The following SLC6A20 variants were observed in gnomAD, a reference collection of about 807,000 sequenced individuals.
SLC6A20 encodes sodium- and chloride-dependent transporter XTRP3.
Under a neutral mutation model 64.3 loss-of-function variants are expected in SLC6A20, and 73 were observed. The ratio of observed to expected loss-of-function variants is 1.14; its 90% CI spans 0.94 to 1.38. SLC6A20 has a LOEUF of 1.38. Ranked by LOEUF, SLC6A20 falls within the 40% of genes most tolerant of loss-of-function variation. The pLI, the probability that SLC6A20 is intolerant of heterozygous loss-of-function variation, is 0.00. For missense variants in SLC6A20, 725 were observed against 772.8 expected (o/e 0.94, Z 0.73); for synonymous variants, 347 against 329.6 (o/e 1.05, Z -0.57).
At chr3:45,792,456 T>A (rs1029085040) in intron 1 of SLC6A20, among the ~76,000 whole-genome samples, 7 of 152,202 alleles carry the variant, frequency 4.6e-5, no homozygotes, top group Non-Finnish European at 8.8e-5. Context: ...ATGCCTCACA[T>A]GATGCCTGGC....
chr3:45,769,710 TAAAAC>T (rs1373246969), intron 7 of SLC6A20, among the ~76,000 whole-genome samples: 3 of 151,390 alleles, frequency 2.0e-5, no homozygotes, highest in South Asian at 2.1e-4. Context: ...AAAGAAAAAA[TAAAAC>T]AAAAACTGCC....
rs895642036 is a variant in SLC6A20, at chr3:45,796,517, G to A, written c.-98C>T. ...GCGCCGTCCCACCCCGGCTCGGCTT[G>A]GGGGTGGCCCCGCGCCTCCGCCGCC... On this transcript the variant is annotated 5_prime_UTR_variant, in exon 1 of 11. Transcript: ENST00000358525. 4.7e-6 allele frequency: 6 copies of A among 1,277,048 alleles called. No individual in the cohort carries two copies. Among genetic ancestry groups the A allele is most frequent in the Non-Finnish European group, 5.1e-6 (5 of 984,910 alleles). 79.1% of individuals were successfully genotyped at this position (1,277,048 alleles called of 1,614,324 possible).
At chr3:45,774,989 A>C (rs1442328628) in intron 4 of SLC6A20, among the ~76,000 whole-genome samples, 1 of 152,176 alleles carries the variant, frequency 6.6e-6, no homozygotes, top group African/African-American at 2.4e-5. Flanking sequence ...TACTGTGAGA[A>C]GTGACAGTGA....
chr3:45,758,996 G>T lies in SLC6A20; in HGVS notation c.1761C>A (p.Asp587Glu). ...TFVQRRLKRG[D>E]ADPVA is the part of the protein sequence containing the mutation. ...CCACATCTCAGGCCACGGGGTCTGC[G>T]TCTCCCCTCTTGAGGCGACGCTGAA... Residue 587 changes from aspartate to glutamate, a missense_variant, in exon 11 of 11, where the codon GAC becomes GAA. By Grantham distance (45) the Asp-to-Glu change is conservative. Transcript: ENST00000358525. The T allele has an allele frequency of 6.2e-7, 1 of 1,607,526 alleles. No individual in the cohort carries two copies. The highest frequency in any genetic ancestry group is 8.5e-7 in the Non-Finnish European group (1 of 1,177,062).
At chr3:45,786,206 G>A (rs1258765033) in intron 1 of SLC6A20, among the ~76,000 whole-genome samples, 1 of 152,156 alleles carries the variant, frequency 6.6e-6, no homozygotes, top group Non-Finnish European at 1.5e-5. Flanking sequence ...CCAGTGCAAT[G>A]AGTAAAATCA....
intron 1 of SLC6A20, 147 bp from the exon 2 acceptor site, chr3:45,782,370 T>C (rs939524218): frequency 6.9e-6 from 8 of 1,159,424 alleles, no homozygotes; most frequent in Middle Eastern, 2.0e-4. Context: ...TCCTCCTCTT[T>C]CTACTCATCC....
At position 45,756,909 on chromosome 3, in the gene SLC6A20, T is replaced by C. The variant is rs537246488; in HGVS notation, c.*2069A>G. 5.3e-5 allele frequency: 8 copies of C among 152,194 alleles called. No homozygotes were observed. The highest frequency in any genetic ancestry group is 7.4e-5 in the Non-Finnish European group (5 of 68,006). The allele number at this position is 152,194 out of a possible 1,614,324, so 9.4% of individuals were successfully genotyped here. The stretch of plus-strand genomic sequence containing the variant: ...GGCCTCTGAGTTCCCTCAGTATTTA[T>C]TGATCATTATTTTTACTGTCTTAGC... On this transcript the variant is annotated 3_prime_UTR_variant, in exon 11 of 11. Transcript: ENST00000358525.
At chr3:45,786,725 C>T (rs532390252) in intron 1 of SLC6A20, among the ~76,000 whole-genome samples, 34 of 152,332 alleles carry the variant, frequency 2.2e-4, no homozygotes, top group African/African-American at 6.5e-4. Flanking sequence ...TTGCCCAAAA[C>T]GATTATTGCC....
chr3:45,765,025 C>T lies in SLC6A20; in HGVS notation c.1303+512G>A, dbSNP rs936166229. 2.6e-5 allele frequency among the ~76,000 whole-genome samples: 4 copies of T among 151,824 alleles called. No individual in the cohort carries two copies. Among genetic ancestry groups the T allele is most frequent in the Admixed American group, 2.6e-4 (4 of 15,250 alleles). ...GTCAGGAGTTCGAGACCAGCCTGGCCAACATGGTGAAACCCCTTCTCTACT... is the reference window on the plus strand; with the variant it reads ...GTCAGGAGTTCGAGACCAGCCTGGCTAACATGGTGAAACCCCTTCTCTACT... On this transcript the variant is annotated intron_variant, in intron 8 of 10. Coordinates refer to ENST00000358525, the MANE Select transcript of SLC6A20 (RefSeq NM_020208.4). This position sits in a 1 kb window ranked among gnomAD's most constrained non-coding sequence, Gnocchi z 4.2.
chr3:45,790,584 G>C (rs1256406593), intron 1 of SLC6A20: 1 of 152,234 alleles, frequency 6.6e-6, no homozygotes, highest in Non-Finnish European at 1.5e-5. Context: ...TACTCTTCCT[G>C]ACTGTCACTG....
intron 9 of SLC6A20, 106 bp from the exon 10 acceptor site, chr3:45,760,128 T>C: frequency 7.6e-7 from 1 of 1,313,936 alleles, no homozygotes; most frequent in Non-Finnish European, 1.0e-6. Context: ...TTCTAGGTGG[T>C]AAAGGATGTC....
chr3:45,765,773 C>G lies in SLC6A20; in HGVS notation c.1099-32G>C, dbSNP rs1223791834. ...AGGGTGAGAAGACACCAGTTACATG[C>G]AAGAGGGACTTATAGTCTTATTCAC... On this transcript the variant is annotated intron_variant, in intron 7 of 10. Transcript: ENST00000358525. The surrounding 1 kb of genome is among the most constrained non-coding windows in gnomAD (Gnocchi z 4.2). 1 of 1,612,032 alleles carries G rather than the reference C, an allele frequency of 6.2e-7. No individual in the cohort carries two copies. The highest frequency in any genetic ancestry group is 1.1e-5 in the South Asian group (1 of 91,022).
rs1335123656 is a variant in SLC6A20, at chr3:45,755,688, T to C, written c.*3290A>G. The stretch of plus-strand genomic sequence containing the variant: ...GGTGGACAAATGTCGACATGGCCAC[T>C]TTTGTGCAGTATCTAGGAAATGGCA... On this transcript the variant is annotated 3_prime_UTR_variant, in exon 11 of 11. Transcript: ENST00000358525. The C allele has an allele frequency of 1.3e-5, 2 of 152,632 alleles. No homozygotes were observed. The highest frequency in any genetic ancestry group is 2.9e-5 in the Non-Finnish European group (2 of 68,026). The allele number at this position is 152,632 out of a possible 1,614,324, so 9.5% of individuals were successfully genotyped here.
At chr3:45,794,289 T>C (rs1267584579) in intron 1 of SLC6A20, among the ~76,000 whole-genome samples, 1 of 152,082 alleles carries the variant, frequency 6.6e-6, no homozygotes, top group Non-Finnish European at 1.5e-5. Flanking sequence ...TGGCAGGAAA[T>C]GAGGTGGAAA....
chr3:45,771,141 C>A (rs1699855518), intron 6 of SLC6A20, 76 bp downstream of exon 6: 1 of 1,593,068 alleles, frequency 6.3e-7, no homozygotes, highest in African/African-American at 1.3e-5. Flanking sequence ...TGCACTTTGC[C>A]CCAGCCCTTG....
At chr3:45,761,538 CA>C (rs2125717193) in intron 9 of SLC6A20, among the ~76,000 whole-genome samples, 2 of 152,250 alleles carry the variant, frequency 1.3e-5, no homozygotes, top group Non-Finnish European at 2.9e-5. Flanking sequence ...TCTCAGTGAC[CA>C]ATCTCTTTCT....
At chr3:45,790,004 C>G (rs377294812) in intron 1 of SLC6A20, among the ~76,000 whole-genome samples, 1 of 152,130 alleles carries the variant, frequency 6.6e-6, no homozygotes. Flanking sequence ...ATAGCCAGTA[C>G]GTTGTCTATT....
At chr3:45,768,559 A>T (rs1348071174) in intron 7 of SLC6A20, among the ~76,000 whole-genome samples, 8 of 152,240 alleles carry the variant, frequency 5.3e-5, no homozygotes, top group Non-Finnish European at 2.9e-5. Context: ...CTGGGGTCTG[A>T]TGCCTGCCTG....
chr3:45,770,394 G>A (rs758809416), intron 6 of SLC6A20, 23 bp from the exon 7 acceptor site: 16 of 1,611,374 alleles, frequency 9.9e-6, no homozygotes, highest in Admixed American at 5.0e-5. Flanking sequence ...CCATCGGATC[G>A]ACCTTCACTG....
Sources: gnomAD v4.1 joint callset for allele counts (sites outside exome capture counted in the v4.1 genomes callset) on GRCh38, gnomAD v4.1.1 for gene constraint, Gnocchi (gnomAD v3.1) non-coding constraint, MANE v1.5 for transcripts, NCBI Gene and HGNC (gene_info 2026-07-23, HGNC 2026-07-21) for gene names.